CNKSR3: variants seen among roughly 807,000 people sequenced by gnomAD.
The protein encoded by CNKSR3 is connector enhancer of kinase suppressor of ras 3.
In CNKSR3, 36 loss-of-function variants were observed where a neutral mutation model predicts 67.7. The observed-to-expected ratio is 0.53, with a 90% CI of 0.41 to 0.70. CNKSR3 has a LOEUF of 0.70. Among genes scored for constraint, CNKSR3 ranks in the 30% least tolerant of loss-of-function variants. CNKSR3 has a pLI of 0.00. For missense variants in CNKSR3, 630 were observed against 695.2 expected, an observed-to-expected ratio of 0.91 and a Z score of 1.05; for synonymous variants, 281 against 271.4, an observed-to-expected ratio of 1.04 and a Z score of -0.35.
At chr6:154,463,793 G>C (rs1786135088) in intron 1 of CNKSR3, among the ~76,000 whole-genome samples, 1 of 152,152 alleles carries the variant, frequency 6.6e-6, no homozygotes, top group Non-Finnish European at 1.5e-5. Context: ...ACCTCAATCA[G>C]ATCACTTGGC....
intron 1 of CNKSR3, among the ~76,000 whole-genome samples, chr6:154,454,745 C>A (rs1331452987): frequency 6.6e-6 from 1 of 151,654 alleles, no homozygotes; most frequent in African/African-American, 2.4e-5. Context: ...TGGTCTTGAA[C>A]TCCTGGGCTC....
At chr6:154,490,440 A>C (rs1008614530) in intron 1 of CNKSR3, among the ~76,000 whole-genome samples, 6 of 152,200 alleles carry the variant, frequency 3.9e-5, no homozygotes, top group African/African-American at 1.4e-4. Flanking sequence ...TGTATATATG[A>C]TATATAATAT....
At chr6:154,415,751 C>T (rs1330665682) in intron 9 of CNKSR3, among the ~76,000 whole-genome samples, 5 of 152,210 alleles carry the variant, frequency 3.3e-5, no homozygotes, top group East Asian at 3.8e-4. Context: ...TTCATATATA[C>T]GAGTTAATCT....
chr6:154,458,211 TAC>T (rs1341450360), intron 1 of CNKSR3, among the ~76,000 whole-genome samples: 1 of 152,110 alleles, frequency 6.6e-6, no homozygotes, highest in Non-Finnish European at 1.5e-5. Flanking sequence ...CAGCGATGAG[TAC>T]AGAGTGATGA....
chr6:154,457,559 A>T (rs1785985306), intron 1 of CNKSR3, among the ~76,000 whole-genome samples: 1 of 152,132 alleles, frequency 6.6e-6, no homozygotes. Context: ...GTCTCTACTA[A>T]AAATGCAAAC....
intron 7 of CNKSR3, among the ~76,000 whole-genome samples, chr6:154,424,623 C>T (rs1009194888): frequency 6.6e-5 from 10 of 152,198 alleles, no homozygotes; most frequent in African/African-American, 2.4e-4. Flanking sequence ...TAGAAATATT[C>T]CCTTTGATTT....
chr6:154,428,957 A>C (rs1785309710), intron 6 of CNKSR3, among the ~76,000 whole-genome samples: 1 of 152,252 alleles, frequency 6.6e-6, no homozygotes. Flanking sequence ...AAAGATTGTT[A>C]AATAACAAAG....
At chr6:154,464,415 TAAAG>T (rs1172921638) in intron 1 of CNKSR3, among the ~76,000 whole-genome samples, 6 of 152,138 alleles carry the variant, frequency 3.9e-5, no homozygotes, top group African/African-American at 1.4e-4. Context: ...AGCAGCACGT[TAAAG>T]AAAGACAAAG....
intron 1 of CNKSR3, among the ~76,000 whole-genome samples, chr6:154,487,716 G>A (rs1040320446): frequency 2.6e-5 from 4 of 152,180 alleles, no homozygotes; most frequent in African/African-American, 7.2e-5. Context: ...ATTAACTACA[G>A]GCATGTGCTC....
chr6:154,429,886 C>T (rs1488824989), intron 6 of CNKSR3, among the ~76,000 whole-genome samples: 2 of 152,174 alleles, frequency 1.3e-5, no homozygotes, highest in African/African-American at 2.4e-5. Context: ...TTAAGTCCCT[C>T]AAGAGCCGGG....
chr6:154,414,500 C>A, intron 9 of CNKSR3, 77 bp from the exon 10 acceptor site: 1 of 1,465,248 alleles, frequency 6.8e-7, no homozygotes, highest in Non-Finnish European at 9.3e-7. Flanking sequence ...TTTCCCCTCC[C>A]CCAAACCAAC....
In CNKSR3 at chr6:154,392,958, G is replaced by C. The variant is rs1444340646; in HGVS notation, c.*13396C>G. 6.5e-6 allele frequency: 1 copy of C among 152,708 alleles called. No homozygotes were observed. Among genetic ancestry groups the C allele is most frequent in the East Asian group, 1.9e-4 (1 of 5,210 alleles). The allele number at this position is 152,708 out of a possible 1,614,324, so 9.5% of individuals were successfully genotyped here. A position where few individuals can be genotyped will look rare whatever the true frequency, so the allele number is the denominator to read the frequency against. The stretch of plus-strand genomic sequence containing the variant: ...AGATGGAGTCTCATTCTGTCGCCCA[G>C]GCTGGAGTACAGTGGCACAATCTCA... On this transcript the variant is annotated 3_prime_UTR_variant, in exon 13 of 13. Coordinates refer to ENST00000607772, the MANE Select transcript of CNKSR3 (RefSeq NM_173515.4).
chr6:154,417,181 T>C (rs900301265), intron 9 of CNKSR3, among the ~76,000 whole-genome samples: 13 of 152,242 alleles, frequency 8.5e-5, no homozygotes, highest in African/African-American at 3.1e-4. Flanking sequence ...CCCTGTCACA[T>C]TGGACACTTG....
chr6:154,406,242 A>G lies in CNKSR3; in HGVS notation c.*112T>C. On this transcript the variant is annotated 3_prime_UTR_variant, in exon 13 of 13. Transcript: ENST00000607772. The stretch of plus-strand genomic sequence containing the variant: ...TAGATAACTTTTCAAAAGAAAAAGA[A>G]ATTGCATAAGGTCCCTACATAATAC... 2 of 1,002,752 alleles carry G rather than the reference A, an allele frequency of 2.0e-6. No individual in the cohort carries two copies. The highest frequency in any genetic ancestry group is 1.7e-5 in the South Asian group (1 of 57,536). The allele number at this position is 1,002,752 out of a possible 1,614,324, so 62.1% of individuals were successfully genotyped here.
At chr6:154,505,759 C>A (rs978874716) in intron 1 of CNKSR3, among the ~76,000 whole-genome samples, 1 of 151,960 alleles carries the variant, frequency 6.6e-6, no homozygotes, top group Non-Finnish European at 1.5e-5. Context: ...CTCGGCCTCC[C>A]AAAGTGCTGG....
chr6:154,479,787 T>C (rs1786529941), intron 1 of CNKSR3, among the ~76,000 whole-genome samples: 2 of 152,228 alleles, frequency 1.3e-5, no homozygotes. Flanking sequence ...GTTGTTGTTG[T>C]TCCAGAGAAA....
intron 1 of CNKSR3, among the ~76,000 whole-genome samples, chr6:154,507,549 C>A (rs1030977450): frequency 2.0e-5 from 3 of 152,178 alleles, no homozygotes; most frequent in African/African-American, 7.2e-5. Flanking sequence ...AATACTTGAG[C>A]ATCATTATTA....
intron 1 of CNKSR3, among the ~76,000 whole-genome samples, chr6:154,480,060 T>C (rs1786534664): frequency 6.6e-6 from 1 of 152,170 alleles, no homozygotes; most frequent in African/African-American, 2.4e-5. Flanking sequence ...AACTTTCTCG[T>C]TGTTGGCTGT....
intron 1 of CNKSR3, among the ~76,000 whole-genome samples, chr6:154,461,332 G>A (rs1464820579): frequency 6.6e-6 from 1 of 152,230 alleles, no homozygotes; most frequent in Non-Finnish European, 1.5e-5. Context: ...GTACGTTAAT[G>A]TGCAGAGTCC....
Sources: allele counts gnomAD v4.1 joint callset (sites outside exome capture counted in the v4.1 genomes callset), GRCh38; gene constraint gnomAD v4.1.1; transcripts MANE v1.5; gene names NCBI Gene and HGNC (gene_info 2026-07-23, HGNC 2026-07-21).